The following LRRC28 variants were observed in gnomAD, a reference collection of about 807,000 sequenced individuals.
The protein encoded by LRRC28 is leucine-rich repeat-containing protein 28.
Under a neutral mutation model 45.7 loss-of-function variants are expected in LRRC28, and 39 were observed. The observed-to-expected ratio is 0.85, with a 90% CI of 0.66 to 1.12. LRRC28 has a LOEUF of 1.12. Ranked by LOEUF, LRRC28 falls within the 50% of genes most tolerant of loss-of-function variation. LRRC28 has a pLI of 0.00. For missense variants in LRRC28, 435 were observed against 438.5 expected, an observed-to-expected ratio of 0.99 and a Z score of 0.07; for synonymous variants, 206 against 178.8, an observed-to-expected ratio of 1.15 and a Z score of -1.22.
intron 6 of LRRC28, among the ~76,000 whole-genome samples, chr15:99,350,880 G>A (rs541256856): frequency 6.6e-6 from 1 of 152,106 alleles, no homozygotes; most frequent in Admixed American, 6.5e-5. Flanking sequence ...GCTCATTGCA[G>A]CCTCGACCTC....
chr15:99,258,701 T>C (rs1047708460), intron 2 of LRRC28: 8 of 716,460 alleles, frequency 1.1e-5, no homozygotes, highest in Non-Finnish European at 1.8e-5. Flanking sequence ...CAAATCATTT[T>C]CAAAGGAAAG....
At chr15:99,298,776 T>G (rs2082327722) in intron 5 of LRRC28, among the ~76,000 whole-genome samples, 2 of 152,142 alleles carry the variant, frequency 1.3e-5, no homozygotes, top group African/African-American at 4.8e-5. Context: ...TGGTGCAATT[T>G]TGGCTCACTG....
intron 5 of LRRC28, among the ~76,000 whole-genome samples, chr15:99,328,212 A>G (rs572018547): frequency 1.5e-4 from 23 of 152,322 alleles, no homozygotes; most frequent in African/African-American, 4.8e-4. Context: ...AAATTAGGTC[A>G]GTTTGTTTGC....
intron 9 of LRRC28, chr15:99,384,776 T>G (rs2152562901): frequency 6.6e-6 from 1 of 152,290 alleles, no homozygotes; most frequent in South Asian, 2.1e-4. Context: ...GTCCCACTTC[T>G]CTCTAGTAAG....
chr15:99,355,061 G>A lies in LRRC28; in HGVS notation c.695+2590G>A, dbSNP rs560096181. ...CAATGGGGTATAAAACTTATAAATAGGTATAAAAACAGCAAATAACAAATG... is the reference window on the plus strand; with the variant it reads ...CAATGGGGTATAAAACTTATAAATAAGTATAAAAACAGCAAATAACAAATG... On this transcript the variant is annotated intron_variant, in intron 7 of 9. Transcript: ENST00000301981. 2.6e-5 allele frequency among the ~76,000 whole-genome samples: 4 copies of A among 152,200 alleles called. No individual in the cohort carries two copies. In the South Asian group the frequency reaches 6.2e-4, roughly 24 times the overall value.
At position 99,339,402 on chromosome 15, in the gene LRRC28, T is replaced by C. The variant is rs191741402; in HGVS notation, c.592+5273T>C. Among the ~76,000 whole-genome samples, 3 of 152,312 alleles carry C rather than the reference T, an allele frequency of 2.0e-5. No individual in the cohort carries two copies. The East Asian group carries it at 5.8e-4, about 29-fold the overall frequency. ...AAGAAAACAAAAGTTGTATCCACTTTAGCGATGGAATTCTTATTCAATGTT... is the reference window on the plus strand; with the variant it reads ...AAGAAAACAAAAGTTGTATCCACTTCAGCGATGGAATTCTTATTCAATGTT... On this transcript the variant is annotated intron_variant, in intron 6 of 9. Transcript: ENST00000301981.
Position 99,389,097 on chromosome 15 carries a change from T to C in LRRC28, c.*2995T>C, listed in dbSNP as rs971335372. On this transcript the variant is annotated 3_prime_UTR_variant, in exon 10 of 10. Coordinates refer to ENST00000301981, the MANE Select transcript of LRRC28 (RefSeq NM_144598.5). Reference sequence around the variant, plus strand: ...ACCCTGGCTTGGGTGGAGGATCCACTCTGGCTAACGGATAAGAGTGATGAA... The same window carrying C: ...ACCCTGGCTTGGGTGGAGGATCCACCCTGGCTAACGGATAAGAGTGATGAA... 6.6e-6 allele frequency: 1 copy of C among 152,250 alleles called. No homozygotes were observed. The highest frequency in any genetic ancestry group is 1.5e-5 in the Non-Finnish European group (1 of 68,042). 9.4% of individuals were successfully genotyped at this position (152,250 alleles called of 1,614,324 possible).
intron 7 of LRRC28, among the ~76,000 whole-genome samples, chr15:99,358,271 T>C (rs906181619): frequency 2.0e-5 from 3 of 152,044 alleles, no homozygotes; most frequent in Non-Finnish European, 4.4e-5. Context: ...GTGAAGAAAA[T>C]TGTGAAATTT....
chr15:99,319,904 A>T (rs901830620), intron 5 of LRRC28, among the ~76,000 whole-genome samples: 17 of 151,994 alleles, frequency 1.1e-4, no homozygotes, highest in African/African-American at 3.9e-4. Flanking sequence ...CCTGGGTTCA[A>T]GCTATTCTCT....
intron 5 of LRRC28, among the ~76,000 whole-genome samples, chr15:99,312,045 A>G (rs2152266342): frequency 6.6e-6 from 1 of 152,316 alleles, no homozygotes; most frequent in East Asian, 1.9e-4. Flanking sequence ...ACCCTCAAGA[A>G]TTATAGCTAA....
At chr15:99,280,409 A>T (rs1340705747) in intron 3 of LRRC28, among the ~76,000 whole-genome samples, 2 of 45,272 alleles carry the variant, frequency 4.4e-5, no homozygotes, top group South Asian at 1.7e-3. Flanking sequence ...CCCCGCCCCC[A>T]CCCCAAAGTC....
At chr15:99,352,710 TC>T (rs1050353266) in intron 7 of LRRC28, among the ~76,000 whole-genome samples, 18 of 152,200 alleles carry the variant, frequency 1.2e-4, no homozygotes, top group African/African-American at 4.3e-4. Context: ...CACCTTTATT[TC>T]CCCCCACACA....
chr15:99,342,918 G>C lies in LRRC28; in HGVS notation c.592+8789G>C, dbSNP rs1470416051. ...GAGTTAATGGAGTCTGTGTGTTTGT[G>C]TGTATTTAAAGAAGCTAGCACTTAA... is the stretch of plus-strand genomic sequence containing the variant. On this transcript the variant is annotated intron_variant, in intron 6 of 9. Transcript: ENST00000301981. 2.6e-5 allele frequency among the ~76,000 whole-genome samples: 4 copies of C among 152,190 alleles called. No homozygotes were observed. In the South Asian group the frequency reaches 6.2e-4, roughly 24 times the overall value.
intron 2 of LRRC28, among the ~76,000 whole-genome samples, chr15:99,266,889 A>C (rs977462940): frequency 6.6e-6 from 1 of 152,194 alleles, no homozygotes; most frequent in Non-Finnish European, 1.5e-5. Context: ...TAGACAAATA[A>C]ACTAAGTCAT....
At chr15:99,323,299 T>G (rs1408720675) in intron 5 of LRRC28, among the ~76,000 whole-genome samples, 1 of 152,190 alleles carries the variant, frequency 6.6e-6, no homozygotes, top group Non-Finnish European at 1.5e-5. Flanking sequence ...AATAATTTGG[T>G]GTTAAAGGAT....
At chr15:99,349,171 T>G (rs78664069) in intron 6 of LRRC28, among the ~76,000 whole-genome samples, 1 of 152,204 alleles carries the variant, frequency 6.6e-6, no homozygotes, top group South Asian at 2.1e-4. Context: ...TAGTTTTTTT[T>G]GTGAAATCTT....
At chr15:99,340,916 C>T (rs566325211) in intron 6 of LRRC28, among the ~76,000 whole-genome samples, 162 of 152,162 alleles carry the variant, frequency 1.1e-3, no homozygotes, top group African/African-American at 3.6e-3. Context: ...TAACAAAAAT[C>T]CATACAGATC....
intron 7 of LRRC28, among the ~76,000 whole-genome samples, chr15:99,356,227 C>T (rs955269687): frequency 3.9e-5 from 6 of 152,102 alleles, no homozygotes; most frequent in Non-Finnish European, 8.8e-5. Flanking sequence ...GTGACCCATT[C>T]TCAAGAAGAA....
chr15:99,364,592 A>G (rs1957292329), intron 9 of LRRC28, among the ~76,000 whole-genome samples: 14 of 152,228 alleles, frequency 9.2e-5, no homozygotes, highest in Admixed American at 9.2e-4. Context: ...AAATTAACAA[A>G]TAAAATAGAT....
Sources: allele counts gnomAD v4.1 joint callset (sites outside exome capture counted in the v4.1 genomes callset), GRCh38; gene constraint gnomAD v4.1.1; transcripts MANE v1.5; gene names NCBI Gene and HGNC (gene_info 2026-07-23, HGNC 2026-07-21).